Variants in FER observed in about 807,000 individuals in gnomAD.
The protein encoded by FER is FER tyrosine kinase.
A neutral mutation model predicts 111.0 loss-of-function variants in FER; 63 were observed. The ratio of observed to expected loss-of-function variants is 0.57; its 90% confidence interval spans 0.46 to 0.70. The LOEUF (loss-of-function observed/expected upper bound fraction) is 0.70, where lower values mean the gene tolerates loss of function less well. Ranked by LOEUF, FER falls within the 30% of genes least tolerant of loss-of-function variation. The pLI is 0.00. For missense variants in FER, 914 were observed against 954.0 expected (o/e 0.96, Z 0.55); for synonymous variants, 327 against 313.9 (o/e 1.04, Z -0.44).
At chr5:108,899,960 C>T (rs543960916) in intron 10 of FER, among the ~76,000 whole-genome samples, 47 of 152,164 alleles carry the variant, frequency 3.1e-4, no homozygotes, top group Non-Finnish European at 6.0e-4. Context: ...GTTCTGCTCT[C>T]GTGTCCATTA....
intron 17 of FER, among the ~76,000 whole-genome samples, chr5:109,119,894 A>T (rs879360793): frequency 1.3e-5 from 2 of 151,974 alleles, no homozygotes; most frequent in Non-Finnish European, 2.9e-5. Context: ...ACCTTTTCAT[A>T]TGCCTATTTG....
rs746184286 is a variant in FER at position 109,058,724 on chromosome 5, C to CTTTTTTTTTTTTTTTTTTTT, written c.1924+11533_1924+11552dup. ...TCTTTTTCTTTTTCTTTCTTTCTTT[C>CTTTTTTTTTTTTTTTTTTTT]TTTTTTTTTTTTTTTTTTTTTTTTT... On this transcript the variant is annotated intron_variant, in intron 16 of 19. Coordinates refer to ENST00000281092, the MANE Select transcript of FER (RefSeq NM_005246.4). Among the ~76,000 whole-genome samples, 20 of 76,274 alleles carry CTTTTTTTTTTTTTTTTTTTT rather than the reference C, an allele frequency of 2.6e-4. 2 individuals are homozygous for CTTTTTTTTTTTTTTTTTTTT. The highest frequency in any genetic ancestry group is 7.6e-4 in the African/African-American group (13 of 17,092). The allele number at this position is 76,274 out of a possible 152,430, so 50.0% of individuals were successfully genotyped here.
rs1049996161 is a variant in FER at position 108,849,350 on chromosome 5, C to CT, written c.481+13551dup. Among the ~76,000 whole-genome samples, 23 of 151,668 alleles carry CT rather than the reference C, an allele frequency of 1.5e-4. No homozygotes were observed. The East Asian group carries it at 1.5e-3, about 10-fold the overall frequency. On this transcript the variant is annotated intron_variant, in intron 5 of 19. Transcript: ENST00000281092. Reference sequence around the variant, plus strand: ...GCTCTGATAATTTTTTTCCCCTTGTCTTTTTTTTGTTTCATTTTGGTTAGT... The same window carrying CT: ...GCTCTGATAATTTTTTTCCCCTTGTCTTTTTTTTTGTTTCATTTTGGTTAGT...
intron 5 of FER, among the ~76,000 whole-genome samples, chr5:108,858,091 A>G (rs141390008): frequency 9.3e-4 from 142 of 152,316 alleles, no homozygotes; most frequent in Non-Finnish European, 1.8e-3. Flanking sequence ...ACACGTACAC[A>G]TTCATGTACA....
intron 2 of FER, among the ~76,000 whole-genome samples, chr5:108,774,757 A>G (rs989639270): frequency 4.0e-5 from 6 of 150,786 alleles, no homozygotes; most frequent in African/African-American, 1.5e-4. Flanking sequence ...TTTTCTTGTA[A>G]ATTTGTTTTA....
chr5:108,765,938 T>C (rs1752270801), intron 1 of FER, among the ~76,000 whole-genome samples: 1 of 152,110 alleles, frequency 6.6e-6, no homozygotes, highest in African/African-American at 2.4e-5. Context: ...CTGAATTTTT[T>C]TTTTTTTTTG....
chr5:109,178,684 A>G (rs1266349679), intron 17 of FER, among the ~76,000 whole-genome samples: 2 of 152,218 alleles, frequency 1.3e-5, no homozygotes, highest in Admixed American at 6.5e-5. Flanking sequence ...ATTTCTACCA[A>G]TGCTAAACTG....
intron 5 of FER, among the ~76,000 whole-genome samples, chr5:108,853,669 G>C (rs114847536): frequency 5.0e-4 from 76 of 152,316 alleles, no homozygotes; most frequent in African/African-American, 1.8e-3. Flanking sequence ...CTATAACTGA[G>C]TTGATTGATA....
At chr5:109,007,612 C>T (rs568252988) in intron 13 of FER, among the ~76,000 whole-genome samples, 3 of 152,268 alleles carry the variant, frequency 2.0e-5, no homozygotes, top group African/African-American at 7.2e-5. Flanking sequence ...GTAATTTCCT[C>T]CTTTTATTGT....
intron 13 of FER, among the ~76,000 whole-genome samples, chr5:108,963,586 A>G (rs1429674512): frequency 6.6e-6 from 1 of 152,158 alleles, no homozygotes; most frequent in South Asian, 2.1e-4. Context: ...AACAAAAAAC[A>G]AAATGTACGT....
intron 13 of FER, among the ~76,000 whole-genome samples, chr5:109,020,330 A>C (rs1269443965): frequency 6.6e-6 from 1 of 151,990 alleles, no homozygotes; most frequent in Non-Finnish European, 1.5e-5. Context: ...CATATATAAT[A>C]AAGCATAAAT....
At chr5:108,803,440 T>C (rs1332793311) in intron 3 of FER, among the ~76,000 whole-genome samples, 1 of 152,198 alleles carries the variant, frequency 6.6e-6, no homozygotes, top group East Asian at 1.9e-4. Flanking sequence ...TCCCAGGTTT[T>C]CTTCTAGGAT....
At chr5:109,010,039 G>C (rs1468117688) in intron 13 of FER, among the ~76,000 whole-genome samples, 1 of 152,192 alleles carries the variant, frequency 6.6e-6, no homozygotes, top group African/African-American at 2.4e-5. Flanking sequence ...ACTACCTCTG[G>C]ACAGGAGAAA....
intron 17 of FER, among the ~76,000 whole-genome samples, chr5:109,112,844 T>C (rs1173719174): frequency 6.6e-6 from 1 of 152,170 alleles, no homozygotes; most frequent in Non-Finnish European, 1.5e-5. Context: ...GTGCATCTTA[T>C]AACTTCCTAT....
intron 3 of FER, among the ~76,000 whole-genome samples, chr5:108,813,006 G>T (rs966075781): frequency 6.6e-6 from 1 of 152,094 alleles, no homozygotes; most frequent in East Asian, 1.9e-4. Flanking sequence ...GAGTTACAGT[G>T]TATGGTAGTC....
chr5:108,975,702 A>G (rs1337030783), intron 13 of FER, among the ~76,000 whole-genome samples: 1 of 152,194 alleles, frequency 6.6e-6, no homozygotes, highest in Non-Finnish European at 1.5e-5. Flanking sequence ...AATGAGATGT[A>G]AAAATGTAAA....
intron 1 of FER, among the ~76,000 whole-genome samples, chr5:108,755,369 G>A (rs1580376659): frequency 6.6e-6 from 1 of 152,142 alleles, no homozygotes; most frequent in African/African-American, 2.4e-5. Context: ...TCCTTTCTCT[G>A]GATGTCTTCA....
intron 16 of FER, among the ~76,000 whole-genome samples, chr5:109,067,343 C>T (rs1384076998): frequency 6.6e-6 from 1 of 152,050 alleles, no homozygotes; most frequent in Non-Finnish European, 1.5e-5. Flanking sequence ...TCCATGACCC[C>T]TATTCTCCTT....
At chr5:108,896,727 T>C (rs1191794660) in intron 9 of FER, among the ~76,000 whole-genome samples, 1 of 152,234 alleles carries the variant, frequency 6.6e-6, no homozygotes, top group Non-Finnish European at 1.5e-5. Context: ...GGGTTACTTT[T>C]GTCTGTGAAT....
Sources: allele counts gnomAD v4.1 joint callset (sites outside exome capture counted in the v4.1 genomes callset), GRCh38; gene constraint gnomAD v4.1.1; transcripts MANE v1.5; gene names NCBI Gene and HGNC (gene_info 2026-07-23, HGNC 2026-07-21).